SDCCAG8: variants seen among roughly 807,000 people sequenced by gnomAD.
The protein encoded by SDCCAG8 is serologically defined colon cancer antigen 8.
In SDCCAG8, 74 loss-of-function variants were observed where a neutral mutation model predicts 101.8. That is an observed-to-expected ratio of 0.73 (90% CI 0.60 to 0.88). SDCCAG8 has a LOEUF of 0.88. SDCCAG8 is among the 40% of genes least tolerant of loss of function. The pLI is 0.00. For synonymous variants in SDCCAG8, 281 were observed against 292.9 expected (o/e 0.96, Z 0.41); for missense variants, 787 against 822.6 (o/e 0.96, Z 0.53).
At chr1:243,434,216 T>A (rs2081989757) in intron 16 of SDCCAG8, among the ~76,000 whole-genome samples, 1 of 152,262 alleles carries the variant, frequency 6.6e-6, no homozygotes, top group Admixed American at 6.5e-5. Context: ...AAGTCCCGTA[T>A]GACTTGTAAT....
intron 13 of SDCCAG8, among the ~76,000 whole-genome samples, chr1:243,381,097 CAACTT>C (rs1056981462): frequency 6.6e-6 from 1 of 151,970 alleles, no homozygotes; most frequent in African/African-American, 2.4e-5. Context: ...CACACAGTCT[CAACTT>C]AAACACTTCA....
At chr1:243,353,792 A>C (rs1369814106) in intron 12 of SDCCAG8, among the ~76,000 whole-genome samples, 2 of 152,180 alleles carry the variant, frequency 1.3e-5, no homozygotes, top group African/African-American at 4.8e-5. Flanking sequence ...CCCTGCAGTC[A>C]GGCACAGAAG....
At chr1:243,498,309 G>T (rs1668542770) in intron 17 of SDCCAG8, among the ~76,000 whole-genome samples, 1 of 152,214 alleles carries the variant, frequency 6.6e-6, no homozygotes, top group African/African-American at 2.4e-5. Context: ...CAATGGCAGG[G>T]CTCTAGGGCA....
intron 16 of SDCCAG8, among the ~76,000 whole-genome samples, chr1:243,444,674 C>T (rs555676440): frequency 2.6e-5 from 4 of 152,300 alleles, no homozygotes; most frequent in Admixed American, 6.5e-5. Context: ...TGAGCCACTG[C>T]GCCTGGCCAG....
At chr1:243,363,634 A>G (rs1041860296) in intron 12 of SDCCAG8, among the ~76,000 whole-genome samples, 3 of 152,212 alleles carry the variant, frequency 2.0e-5, no homozygotes, top group Non-Finnish European at 4.4e-5. Flanking sequence ...TCTCCATTTT[A>G]AAGTCTTTTG....
chr1:243,386,652 C>T (rs1289641714), intron 13 of SDCCAG8, among the ~76,000 whole-genome samples: 2 of 152,094 alleles, frequency 1.3e-5, no homozygotes, highest in East Asian at 1.9e-4. Context: ...ACTCAGGAGG[C>T]TGAGGCAGGA....
chr1:243,402,355 G>A (rs374680971), intron 13 of SDCCAG8, among the ~76,000 whole-genome samples: 3 of 150,968 alleles, frequency 2.0e-5, no homozygotes, highest in South Asian at 2.1e-4. Context: ...GCTTGAACCC[G>A]GGAGGCGGAG....
intron 8 of SDCCAG8, 27 bp downstream of exon 8, chr1:243,308,204 A>T: frequency 6.2e-7 from 1 of 1,612,836 alleles, no homozygotes; most frequent in South Asian, 1.1e-5. Context: ...GCGCACGGAG[A>T]CTTTGGCAAT....
intron 16 of SDCCAG8, among the ~76,000 whole-genome samples, chr1:243,455,099 A>G (rs1574139236): frequency 6.6e-6 from 1 of 152,348 alleles, no homozygotes; most frequent in East Asian, 1.9e-4. Flanking sequence ...GGCACATTTT[A>G]AAAGAAAAGT....
chr1:243,447,899 A>G (rs2083056694), intron 16 of SDCCAG8, among the ~76,000 whole-genome samples: 2 of 152,228 alleles, frequency 1.3e-5, no homozygotes, highest in Admixed American at 6.5e-5. Context: ...GAGACATGTC[A>G]CCAAACTAAG....
chr1:243,496,340 C>T (rs3006931), intron 17 of SDCCAG8, among the ~76,000 whole-genome samples: 9,291 of 151,146 alleles, frequency 0.061, 928 homozygotes, highest in African/African-American at 0.21. Flanking sequence ...GAGGCGGAGG[C>T]GGGAGGCGAG....
At chr1:243,373,226 G>C (rs2077408284) in intron 12 of SDCCAG8, among the ~76,000 whole-genome samples, 1 of 151,940 alleles carries the variant, frequency 6.6e-6, no homozygotes, top group African/African-American at 2.4e-5. Context: ...CTGGTTCAAG[G>C]CTTGAGTGTA....
intron 13 of SDCCAG8, among the ~76,000 whole-genome samples, chr1:243,393,410 C>T (rs976355398): frequency 6.6e-6 from 1 of 151,750 alleles, no homozygotes; most frequent in African/African-American, 2.4e-5. Context: ...GCGGGGTAGC[C>T]GAGTGCCATG....
chr1:243,473,467 C>T (rs959368252), intron 16 of SDCCAG8, among the ~76,000 whole-genome samples: 1 of 152,162 alleles, frequency 6.6e-6, no homozygotes, highest in African/African-American at 2.4e-5. Context: ...TTCTGAGCTG[C>T]ATGCCCAGCG....
rs2067979092 is a variant in SDCCAG8, at chr1:243,270,259, TGAG to T, written c.220+3_220+5del. The T allele has an allele frequency of 6.2e-6, 10 of 1,613,922 alleles. No individual in the cohort carries two copies. The East Asian group carries it at 2.2e-4, about 36-fold the overall frequency. Reference sequence around the variant, plus strand: ...CCGAATTACAACAGAGCCATGCTGGTGAGTGTGAATGTCAATCCTAGTCTGAAT... The same window carrying T: ...CCGAATTACAACAGAGCCATGCTGGTTGTGAATGTCAATCCTAGTCTGAAT... On this transcript the variant is annotated splice_donor_5th_base_variant and intron_variant, in intron 2 of 17. Transcript: ENST00000366541.
chr1:243,307,938 T>G, intron 7 of SDCCAG8, 51 bp from the exon 8 acceptor site: 3 of 1,607,318 alleles, frequency 1.9e-6, no homozygotes, highest in Non-Finnish European at 1.7e-6. Context: ...CATTTTAAAG[T>G]CATGTAATTT....
intron 6 of SDCCAG8, among the ~76,000 whole-genome samples, chr1:243,295,549 G>A (rs962042700): frequency 6.6e-6 from 1 of 152,052 alleles, no homozygotes; most frequent in Non-Finnish European, 1.5e-5. Flanking sequence ...CTCTTCTCCC[G>A]TCACTCTTAC....
chr1:243,367,891 G>A (rs574595629), intron 12 of SDCCAG8, among the ~76,000 whole-genome samples: 7 of 151,710 alleles, frequency 4.6e-5, no homozygotes, highest in Non-Finnish European at 8.8e-5. Flanking sequence ...GGAATGTCAA[G>A]TACATGGCTG....
intron 12 of SDCCAG8, among the ~76,000 whole-genome samples, chr1:243,352,861 G>A (rs942850384): frequency 4.6e-5 from 7 of 151,870 alleles, no homozygotes; most frequent in Admixed American, 3.3e-4. Context: ...ATTATCTTAA[G>A]CATTTTTTCT....
Sources: gnomAD v4.1 joint callset for allele counts (sites outside exome capture counted in the v4.1 genomes callset) on GRCh38, gnomAD v4.1.1 for gene constraint, MANE v1.5 for transcripts, NCBI Gene and HGNC (gene_info 2026-07-23, HGNC 2026-07-21) for gene names.